Variants in POLA1 observed in about 807,000 individuals in gnomAD.
POLA1 encodes the protein DNA polymerase alpha catalytic subunit.
POLA1 carries 15 observed loss-of-function variants against 124.0 expected under a neutral mutation model. The ratio of observed to expected loss-of-function variants is 0.12; its 90% CI spans 0.08 to 0.19. The LOEUF (loss-of-function observed/expected upper bound fraction) is 0.19. POLA1 is among the 10% of genes least tolerant of loss of function. POLA1 has a pLI of 1.00. For missense variants in POLA1, 886 were observed against 1,103.4 expected (o/e 0.80, Z 2.79); for synonymous variants, 408 against 389.4 (o/e 1.05, Z -0.56).
intron 34 of POLA1, among the ~76,000 whole-genome samples, chrX:24,878,397 G>T (rs1447666872): frequency 9.0e-6 from 1 of 111,473 alleles, no homozygotes; most frequent in African/African-American, 3.3e-5. Flanking sequence ...TGGTAAGAAG[G>T]TTTTAAGCAT....
At chrX:24,855,671 C>T (rs769407261) in intron 34 of POLA1, among the ~76,000 whole-genome samples, 2 of 111,745 alleles carry the variant, frequency 1.8e-5, no homozygotes, top group African/African-American at 3.3e-5. Context: ...CAATTCATTT[C>T]GTCCTTCCAG....
At chrX:24,855,552 A>G (rs1284533964) in intron 34 of POLA1, among the ~76,000 whole-genome samples, 5 of 112,162 alleles carry the variant, frequency 4.5e-5, no homozygotes, top group Non-Finnish European at 9.4e-5. Context: ...AATTTGAAGG[A>G]CAATTCCCCC....
intron 15 of POLA1, among the ~76,000 whole-genome samples, chrX:24,730,299 A>G (rs1930822028): frequency 9.1e-6 from 1 of 109,709 alleles, no homozygotes; most frequent in Non-Finnish European, 1.9e-5. Context: ...AGTGGAGTAC[A>G]GTGATGCGAT....
chrX:24,713,556 C>T (rs1349932197), intron 4 of POLA1, among the ~76,000 whole-genome samples: 4 of 111,262 alleles, frequency 3.6e-5, no homozygotes, highest in Non-Finnish European at 5.7e-5. Context: ...GCTGGGATTA[C>T]AGGCATGTGG....
At chrX:24,709,055 C>CG (rs1204932387) in intron 4 of POLA1, among the ~76,000 whole-genome samples, 3 of 89,126 alleles carry the variant, frequency 3.4e-5, no homozygotes, top group Admixed American at 2.3e-4. Context: ...GGCGGCTGGC[C>CG]GGGCGGGGGG....
At chrX:24,942,071 G>T (rs1236646988) in intron 36 of POLA1, among the ~76,000 whole-genome samples, 1 of 111,925 alleles carries the variant, frequency 8.9e-6, no homozygotes, top group Non-Finnish European at 1.9e-5. Context: ...ATATGATATT[G>T]CTTCTAGAAG....
intron 34 of POLA1, among the ~76,000 whole-genome samples, chrX:24,848,266 C>G (rs1468869158): frequency 8.9e-6 from 1 of 111,915 alleles, no homozygotes; most frequent in Non-Finnish European, 1.9e-5. Flanking sequence ...CTTTTGGACC[C>G]ACATTTATGA....
chrX:24,952,064 G>T (rs11573491), intron 36 of POLA1, among the ~76,000 whole-genome samples: 2 of 111,667 alleles, frequency 1.8e-5, no homozygotes, highest in South Asian at 7.5e-4. Flanking sequence ...GAGTGCTTTG[G>T]TAAATGTGTT....
chrX:24,914,187 T>A lies in POLA1; in HGVS notation c.4165-16266T>A, dbSNP rs746175874. On this transcript the variant is annotated intron_variant, in intron 35 of 36. Coordinates refer to ENST00000379068, the MANE Select transcript of POLA1 (RefSeq NM_001330360.2). ...GTGAGACCCTGTCTCAAAAAAATTT[T>A]AAAAAAATCGTGGAACTGTACCCCA... Among the ~76,000 whole-genome samples, 10 of 111,063 alleles carry A rather than the reference T, an allele frequency of 9.0e-5. No homozygotes were observed. The East Asian group carries it at 1.1e-3, about 12-fold the overall frequency.
At chrX:24,710,689 CAG>C (rs1929353916) in intron 4 of POLA1, among the ~76,000 whole-genome samples, 1 of 80,833 alleles carries the variant, frequency 1.2e-5, no homozygotes, top group Admixed American at 1.6e-4. Flanking sequence ...TTTTTTGAGA[CAG>C]AGTCTCGCTC....
chrX:24,788,524 G>A (rs779221403), intron 26 of POLA1: 27 of 1,190,421 alleles, frequency 2.3e-5, no homozygotes, highest in East Asian at 3.0e-5. Flanking sequence ...TCTTAATTCC[G>A]TATCCCACTG....
chrX:24,830,133 A>G (rs1271567625), intron 32 of POLA1, among the ~76,000 whole-genome samples: 1 of 112,381 alleles, frequency 8.9e-6, no homozygotes, highest in Admixed American at 9.4e-5. Context: ...TATTAAGCTC[A>G]TGATTTTTTA....
intron 22 of POLA1, among the ~76,000 whole-genome samples, chrX:24,742,555 T>C (rs1931734997): frequency 8.9e-6 from 1 of 112,677 alleles, no homozygotes; most frequent in Non-Finnish European, 1.9e-5. Context: ...CTCCATCACT[T>C]TGGAACTAAA....
chrX:24,885,216 G>T (rs2047050424), intron 34 of POLA1, among the ~76,000 whole-genome samples: 1 of 111,337 alleles, frequency 9.0e-6, no homozygotes. Context: ...GTTTTGTTTA[G>T]AATTGGATGA....
chrX:24,791,232 A>C (rs113438939), intron 26 of POLA1, among the ~76,000 whole-genome samples: 3 of 111,148 alleles, frequency 2.7e-5, no homozygotes, highest in African/African-American at 9.8e-5. Flanking sequence ...TGTGTCATCT[A>C]TCCTCATTCC....
At chrX:24,907,248 A>G (rs1163779196) in intron 35 of POLA1, among the ~76,000 whole-genome samples, 1 of 110,855 alleles carries the variant, frequency 9.0e-6, no homozygotes, top group African/African-American at 3.3e-5. Flanking sequence ...TGGGAGGGGG[A>G]AAAAGGAGCC....
Position 24,821,479 on chromosome X carries a change from C to A in POLA1, c.3457C>A (p.Pro1153Thr), listed in dbSNP as rs775606583. Residue 1153 changes from proline to threonine, a missense_variant, in exon 31 of 37, where the codon CCT becomes ACT. Physicochemically the swap from Pro to Thr is conservative, Grantham distance 38 (BLOSUM62 -1). Coordinates refer to ENST00000379068, the MANE Select transcript of POLA1 (RefSeq NM_001330360.2). Reference protein sequence around the residue: ...KALTKDPQDYPDKKSLPHVHV... With the variant: ...KALTKDPQDYTDKKSLPHVHV... ...ATTGACAAAGGATCCCCAGGATTAC[C>A]CTGATAAAAAAAGCCTACCTCATGT... 1 of 1,204,469 alleles carries A rather than the reference C, an allele frequency of 8.3e-7. No individual in the cohort carries two copies. Among genetic ancestry groups the A allele is most frequent in the South Asian group, 1.8e-5 (1 of 55,992 alleles).
intron 35 of POLA1, among the ~76,000 whole-genome samples, chrX:24,908,153 G>A (rs2047393916): frequency 9.1e-6 from 1 of 110,460 alleles, no homozygotes; most frequent in Non-Finnish European, 1.9e-5. Flanking sequence ...TAAAATGGTA[G>A]CCCCAAAATG....
chrX:24,852,785 G>T (rs945233173), intron 34 of POLA1, among the ~76,000 whole-genome samples: 16 of 111,520 alleles, frequency 1.4e-4, no homozygotes, highest in African/African-American at 5.2e-4. Context: ...GAAGATCCTT[G>T]GCCTCATTCA....
Sources: allele counts gnomAD v4.1 joint callset (sites outside exome capture counted in the v4.1 genomes callset), GRCh38; gene constraint gnomAD v4.1.1; transcripts MANE v1.5; gene names NCBI Gene and HGNC (gene_info 2026-07-23, HGNC 2026-07-21).